The following ARHGAP24 variants were observed in gnomAD, a reference collection of about 807,000 sequenced individuals.
ARHGAP24 encodes rho GTPase-activating protein 24.
A neutral mutation model predicts 76.4 loss-of-function variants in ARHGAP24; 50 were observed. That is an observed-to-expected ratio of 0.65 (90% CI 0.52 to 0.83). The LOEUF is 0.83. ARHGAP24 is among the 40% of genes least tolerant of loss of function. The probability of loss-of-function intolerance (pLI) is 0.00; values close to 1 mark genes in which losing one functional copy is unlikely to be tolerated. For synonymous variants in ARHGAP24, 345 were observed against 323.3 expected, an observed-to-expected ratio of 1.07 and a Z score of -0.72; for missense variants, 930 against 914.2, an observed-to-expected ratio of 1.02 and a Z score of -0.22.
chr4:85,945,208 T>G (rs1737181016), intron 5 of ARHGAP24, among the ~76,000 whole-genome samples: 1 of 151,996 alleles, frequency 6.6e-6, no homozygotes, highest in South Asian at 2.1e-4. Flanking sequence ...AGTAGCATGA[T>G]CTCAGCTCAC....
At chr4:85,907,068 A>C (rs1357500720) in intron 3 of ARHGAP24, among the ~76,000 whole-genome samples, 2 of 152,200 alleles carry the variant, frequency 1.3e-5, no homozygotes, top group Middle Eastern at 3.2e-3. Context: ...TCTGATTTAC[A>C]CGAACTCTTG....
At chr4:85,567,425 C>T (rs186698271) in intron 1 of ARHGAP24, among the ~76,000 whole-genome samples, 5 of 152,014 alleles carry the variant, frequency 3.3e-5, no homozygotes, top group Admixed American at 6.6e-5. Flanking sequence ...ATTTGATATC[C>T]GGGGTGAGGA....
At chr4:85,665,536 T>C (rs1722579242) in intron 2 of ARHGAP24, among the ~76,000 whole-genome samples, 1 of 152,200 alleles carries the variant, frequency 6.6e-6, no homozygotes, top group African/African-American at 2.4e-5. Context: ...TATTGTGATG[T>C]GTGAATTTGA....
At chr4:85,605,109 T>G (rs1160108282) in intron 2 of ARHGAP24, among the ~76,000 whole-genome samples, 1 of 152,198 alleles carries the variant, frequency 6.6e-6, no homozygotes, top group Non-Finnish European at 1.5e-5. Flanking sequence ...AAAGTGTTAA[T>G]GGTTAATTAT....
At chr4:85,703,764 A>C (rs1724192442) in intron 2 of ARHGAP24, among the ~76,000 whole-genome samples, 1 of 152,152 alleles carries the variant, frequency 6.6e-6, no homozygotes, top group Non-Finnish European at 1.5e-5. Context: ...ATAGCAGCCC[A>C]AACAGACTAA....
At chr4:85,845,886 T>C (rs1388985450) in intron 3 of ARHGAP24, among the ~76,000 whole-genome samples, 1 of 152,122 alleles carries the variant, frequency 6.6e-6, no homozygotes, top group African/African-American at 2.4e-5. Context: ...AATTTAAGAA[T>C]ATAATTTTTT....
chr4:85,649,517 C>T (rs1721854382), intron 2 of ARHGAP24, among the ~76,000 whole-genome samples: 2 of 152,068 alleles, frequency 1.3e-5, no homozygotes, highest in African/African-American at 4.8e-5. Context: ...TTCTTCTTTG[C>T]ATTTAATGTA....
chr4:85,788,624 T>C (rs1256161911), intron 3 of ARHGAP24, among the ~76,000 whole-genome samples: 2 of 152,214 alleles, frequency 1.3e-5, no homozygotes, highest in African/African-American at 2.4e-5. Context: ...TTTTAGTTTA[T>C]ATTTCATACA....
intron 3 of ARHGAP24, among the ~76,000 whole-genome samples, chr4:85,864,611 GTTTT>G (rs3029094): frequency 6.7e-6 from 1 of 149,748 alleles, no homozygotes. Context: ...AGGAAAATCA[GTTTT>G]TTTTTTTTTT....
chr4:85,674,986 C>T (rs530766056), intron 2 of ARHGAP24, among the ~76,000 whole-genome samples: 11 of 152,254 alleles, frequency 7.2e-5, no homozygotes, highest in Non-Finnish European at 8.8e-5. Flanking sequence ...AATTTGTAAT[C>T]AGAGGGTTCT....
At chr4:85,483,048 T>A (rs962924222) in intron 1 of ARHGAP24, among the ~76,000 whole-genome samples, 3 of 152,196 alleles carry the variant, frequency 2.0e-5, no homozygotes, top group Non-Finnish European at 4.4e-5. Context: ...TATGGGCATT[T>A]AATGACACCT....
At chr4:85,894,371 C>T (rs1401964087) in intron 3 of ARHGAP24, among the ~76,000 whole-genome samples, 1 of 152,012 alleles carries the variant, frequency 6.6e-6, no homozygotes, top group Non-Finnish European at 1.5e-5. Flanking sequence ...ACCAAAAGGA[C>T]AGGATGAGGA....
At chr4:85,692,054 C>T (rs993280618) in intron 2 of ARHGAP24, among the ~76,000 whole-genome samples, 3 of 152,160 alleles carry the variant, frequency 2.0e-5, no homozygotes, top group African/African-American at 7.2e-5. Context: ...ATTTGCTTGT[C>T]TAAAAAGGAT....
At chr4:85,867,846 T>C (rs911154339) in intron 3 of ARHGAP24, among the ~76,000 whole-genome samples, 2 of 147,438 alleles carry the variant, frequency 1.4e-5, no homozygotes, top group Non-Finnish European at 3.0e-5. Context: ...GATAGCTGTA[T>C]ATATATTTAT....
chr4:85,647,677 G>A (rs1386304175), intron 2 of ARHGAP24, among the ~76,000 whole-genome samples: 1 of 152,120 alleles, frequency 6.6e-6, no homozygotes, highest in African/African-American at 2.4e-5. Context: ...GGAGAGTGCT[G>A]TCCCCTATGG....
At chr4:85,487,280 T>A (rs1320246772) in intron 1 of ARHGAP24, among the ~76,000 whole-genome samples, 1 of 125,408 alleles carries the variant, frequency 8.0e-6, no homozygotes, top group African/African-American at 3.1e-5. Context: ...TATATTTATT[T>A]TATATATAGT....
rs188132501 is a variant in ARHGAP24, at chr4:85,650,310, G to C, written c.181-71575G>C. On this transcript the variant is annotated intron_variant, in intron 2 of 9. Transcript: ENST00000395184. ...TTTTCACAAAATTATCCAAAGACAA[G>C]ATTATTGCTTGAAGTGAATTATTAT... Among the ~76,000 whole-genome samples, 11 of 149,634 alleles carry C rather than the reference G, an allele frequency of 7.4e-5. 1 individual carries two copies. Among genetic ancestry groups the C allele is most frequent in the African/African-American group, 2.8e-4 (11 of 39,022 alleles).
intron 3 of ARHGAP24, among the ~76,000 whole-genome samples, chr4:85,878,503 C>A (rs1289440336): frequency 5.9e-5 from 9 of 151,752 alleles, no homozygotes; most frequent in Admixed American, 5.9e-4. Flanking sequence ...TCGTTAAGAC[C>A]CCTGTTGATA....
chr4:85,766,669 G>A (rs895472625), intron 3 of ARHGAP24, among the ~76,000 whole-genome samples: 21 of 152,098 alleles, frequency 1.4e-4, no homozygotes, highest in Non-Finnish European at 2.5e-4. Context: ...TGAAAAATCT[G>A]CTGAGGTGAA....
Sources: allele counts gnomAD v4.1 joint callset (sites outside exome capture counted in the v4.1 genomes callset), GRCh38; gene constraint gnomAD v4.1.1; transcripts MANE v1.5; gene names NCBI Gene and HGNC (gene_info 2026-07-23, HGNC 2026-07-21).